SETX: variants seen among roughly 807,000 people sequenced by gnomAD.
SETX encodes the protein helicase senataxin.
SETX carries 90 observed loss-of-function variants against 227.2 expected under a neutral mutation model. That is an observed-to-expected ratio of 0.40 (90% CI 0.33 to 0.47). The LOEUF (loss-of-function observed/expected upper bound fraction) is 0.47. Among genes scored for constraint, SETX ranks in the 20% least tolerant of loss-of-function variants. The probability of loss-of-function intolerance (pLI) is 0.91; values close to 1 mark genes in which losing one functional copy is unlikely to be tolerated. For synonymous variants in SETX, 1,210 were observed against 1,113.2 expected (o/e 1.09, Z -1.73); for missense variants, 3,052 against 3,181.5 (o/e 0.96, Z 0.98).
Position 132,326,305 on chromosome 9 carries a change from A to G in SETX, c.5274+19T>C, listed in dbSNP as rs1159722813. On this transcript the variant is annotated intron_variant, in intron 10 of 25. Transcript: ENST00000224140. ...ACTTGAAAAGTTTGGAGAGGCATAC[A>G]AATGAAACACATACTTACTGTTTCA... The G allele has an allele frequency of 6.4e-7, 1 of 1,551,250 alleles. No individual in the cohort carries two copies. The highest frequency in any genetic ancestry group is 2.3e-5 in the East Asian group (1 of 44,296).
chr9:132,268,829 T>C (rs562048457), intron 25 of SETX, among the ~76,000 whole-genome samples: 2 of 152,132 alleles, frequency 1.3e-5, no homozygotes, highest in Non-Finnish European at 2.9e-5. Context: ...GGTACACAGC[T>C]TTTAAAACTT....
At chr9:132,326,129 G>A (rs1377954008) in intron 10 of SETX, among the ~76,000 whole-genome samples, 195 bp downstream of exon 10, 2 of 151,468 alleles carry the variant, frequency 1.3e-5, no homozygotes, top group Non-Finnish European at 2.9e-5. Context: ...GTGCAGTGGC[G>A]CGACCTCGGC....
At chr9:132,266,158 A>C (rs1842639925) in intron 25 of SETX, 1 of 152,298 alleles carries the variant, frequency 6.6e-6, no homozygotes, top group Non-Finnish European at 1.5e-5. Flanking sequence ...CTGTTCATAA[A>C]GGTATGTTAG....
At chr9:132,297,338 C>A (rs1033863678) in intron 13 of SETX, among the ~76,000 whole-genome samples, 1 of 152,242 alleles carries the variant, frequency 6.6e-6, no homozygotes, top group Non-Finnish European at 1.5e-5. Flanking sequence ...AAGATAATCA[C>A]AATAAATTGC....
chr9:132,286,914 A>G (rs1843935461), intron 17 of SETX, among the ~76,000 whole-genome samples: 1 of 152,222 alleles, frequency 6.6e-6, no homozygotes. Context: ...CTTTGGATAT[A>G]TGGATGCTAA....
In SETX at chr9:132,329,026, A is replaced by G; in HGVS notation, c.2572T>C (p.Ser858Pro). 1 of 1,607,196 alleles carries G rather than the reference A, an allele frequency of 6.2e-7. No individual in the cohort carries two copies. The highest frequency in any genetic ancestry group is 8.5e-7 in the Non-Finnish European group (1 of 1,177,384). ...VLDDKNGEQK[S>P]QNNVLPKEKQ... ...TCTTTTGGCAATACATTGTTTTGAGATTTTTGTTCTCCATTCTTATCATCC... is the reference window on the plus strand; with the variant it reads ...TCTTTTGGCAATACATTGTTTTGAGGTTTTTGTTCTCCATTCTTATCATCC... Residue 858 changes from serine to proline, a missense_variant, in exon 10 of 26, where the codon TCT (serine) becomes CCT (proline). By Grantham distance (74) the Ser-to-Pro change is moderately conservative (BLOSUM62 -1). This residue lies in a region of SETX where 1,483 missense variants were observed against 1,312.0 expected (regional missense o/e 1.13). Coordinates refer to ENST00000224140, the MANE Select transcript of SETX (RefSeq NM_015046.7).
chr9:132,311,659 ATT>A (rs1355443871), intron 11 of SETX, 96 bp downstream of exon 11: 34 of 845,198 alleles, frequency 4.0e-5, no homozygotes, highest in African/African-American at 8.5e-5. Flanking sequence ...AGCTTAGAAA[ATT>A]TGTGTCCCCC....
At chr9:132,270,603 G>T (rs1842859370) in intron 24 of SETX, among the ~76,000 whole-genome samples, 1 of 152,222 alleles carries the variant, frequency 6.6e-6, no homozygotes, top group Non-Finnish European at 1.5e-5. Flanking sequence ...TTCCTTCAAA[G>T]TGATGCATCT....
Position 132,329,696 on chromosome 9 carries a change from A to C in SETX, c.1902T>G (p.Asp634Glu), listed in dbSNP as rs1368349642. The change falls in exon 10 of 26, where the codon GAT becomes GAG. Residue 634 changes from aspartate (D) to glutamate (E), a missense_variant. Physicochemically the swap from Asp to Glu is conservative, Grantham distance 45. Around this residue, in one of 10 missense-constraint regions of SETX, gnomAD observed 1,483 missense variants for 1,312.0 expected, o/e 1.13. Transcript: ENST00000224140. ...SEQMGKTSRKDMHCLEASSPT... is the reference protein window; with the variant it reads ...SEQMGKTSRKEMHCLEASSPT... The stretch of plus-strand genomic sequence containing the variant: ...GGCTGGAAGCTTCCAAACAATGCAT[A>C]TCTTTTCTAGACGTCTTCCCCATTT... The C allele has an allele frequency of 6.2e-7, 1 of 1,614,074 alleles. No individual in the cohort carries two copies. Among genetic ancestry groups the C allele is most frequent in the Non-Finnish European group, 8.5e-7 (1 of 1,180,002 alleles).
At chr9:132,281,623 T>C (rs1254819609) in intron 19 of SETX, 49 bp from the exon 20 acceptor site, 2 of 1,292,048 alleles carry the variant, frequency 1.5e-6, no homozygotes, top group Non-Finnish European at 2.3e-6. Context: ...CTTTGCTATT[T>C]ATCCATATAG....
At chr9:132,293,642 A>C (rs919105352) in intron 15 of SETX, among the ~76,000 whole-genome samples, 3 of 151,986 alleles carry the variant, frequency 2.0e-5, no homozygotes, top group Non-Finnish European at 4.4e-5. Flanking sequence ...CTGGTCTCAA[A>C]CTCCTGACCT....
Position 132,300,807 on chromosome 9 carries a change from T to C in SETX, c.5375-4A>G. The C allele has an allele frequency of 6.2e-7, 1 of 1,611,922 alleles. No individual in the cohort carries two copies. Among genetic ancestry groups the C allele is most frequent in the Non-Finnish European group, 8.5e-7 (1 of 1,179,414 alleles). On this transcript the variant is annotated splice_region_variant and splice_polypyrimidine_tract_variant and intron_variant, in intron 11 of 25. Coordinates refer to ENST00000224140, the MANE Select transcript of SETX (RefSeq NM_015046.7). Reference sequence around the variant, plus strand: ...AGTTCACATTCTTCCAGATAAACTATGAAACAAGAAGAAGTCGGAATTCAT... The same window carrying C: ...AGTTCACATTCTTCCAGATAAACTACGAAACAAGAAGAAGTCGGAATTCAT...
At chr9:132,297,332 T>C (rs1844731649) in intron 13 of SETX, among the ~76,000 whole-genome samples, 1 of 152,266 alleles carries the variant, frequency 6.6e-6, no homozygotes, top group Non-Finnish European at 1.5e-5. Context: ...CTTACAAAGA[T>C]AATCACAATA....
Position 132,336,529 on chromosome 9 carries a change from ATATT to A in SETX, c.499-18_499-15del, listed in dbSNP as rs1564556844. Reference sequence around the variant, plus strand: ...CCAACGCCGAACCTAAATGCAGAATATATTTATTACTTAATTCAATAAACAATGG... The same window carrying A: ...CCAACGCCGAACCTAAATGCAGAATATATTACTTAATTCAATAAACAATGG... On this transcript the variant is annotated splice_polypyrimidine_tract_variant and intron_variant, in intron 5 of 25. Coordinates refer to ENST00000224140, the MANE Select transcript of SETX (RefSeq NM_015046.7). The A allele has an allele frequency of 3.8e-6, 6 of 1,563,168 alleles. No individual in the cohort carries two copies. The highest frequency in any genetic ancestry group is 4.4e-6 in the Non-Finnish European group (5 of 1,133,394).
intron 4 of SETX, among the ~76,000 whole-genome samples, chr9:132,345,425 C>T (rs1324829816): frequency 1.3e-5 from 2 of 152,138 alleles, no homozygotes; most frequent in South Asian, 2.1e-4. Flanking sequence ...AGGTGCCTGC[C>T]ACCACACCTG....
At chr9:132,278,359 T>G (rs1843290791) in intron 20 of SETX, 102 bp from the exon 21 acceptor site, 3 of 1,158,990 alleles carry the variant, frequency 2.6e-6, no homozygotes, top group African/African-American at 1.5e-5. Context: ...ATGGCAACGT[T>G]CAGGTAGCAT....
At chr9:132,305,774 A>G (rs900091547) in intron 11 of SETX, among the ~76,000 whole-genome samples, 3 of 152,226 alleles carry the variant, frequency 2.0e-5, no homozygotes, top group Non-Finnish European at 4.4e-5. Context: ...AAGGAAACTA[A>G]GAAGACATCA....
At chr9:132,323,529 G>T (rs144460762) in intron 10 of SETX, among the ~76,000 whole-genome samples, 172 of 149,994 alleles carry the variant, frequency 1.1e-3, no homozygotes, top group African/African-American at 4.1e-3. Context: ...CTGGAAATGG[G>T]GGTAGTTCCT....
chr9:132,329,805 T>C lies in SETX; in HGVS notation c.1793A>G (p.Lys598Arg). 2 of 1,614,044 alleles carry C rather than the reference T, an allele frequency of 1.2e-6. No homozygotes were observed. The highest frequency in any genetic ancestry group is 2.7e-5 in the African/African-American group (2 of 75,020). Residue 598 changes from lysine (K) to arginine (R), a missense_variant, in exon 10 of 26, where the codon AAA becomes AGA. Physicochemically the swap from Lys to Arg is conservative, Grantham distance 26. Around this residue, in one of 10 missense-constraint regions of SETX, gnomAD observed 1,483 missense variants for 1,312.0 expected, o/e 1.13. Transcript: ENST00000224140. The part of the protein sequence containing the change: ...LKQIIRNIKF[K>R]APPCNTFVDL... ...CACAAAAGTGTTACATGGAGGTGCT[T>C]TGAATTTTATGTTTCTAATAATTTG...
Sources: allele counts gnomAD v4.1 joint callset (sites outside exome capture counted in the v4.1 genomes callset), GRCh38; gene constraint gnomAD v4.1.1; regional missense constraint gnomAD v4.1.1; transcripts MANE v1.5; gene names NCBI Gene and HGNC (gene_info 2026-07-23, HGNC 2026-07-21).